SLC16A6: variants seen among roughly 807,000 people sequenced by gnomAD.
The protein encoded by SLC16A6 is monocarboxylate transporter 7.
SLC16A6 carries 15 observed loss-of-function variants against 33.8 expected under a neutral mutation model. That is an observed-to-expected ratio of 0.44 (90% confidence interval 0.30 to 0.68). The LOEUF is 0.68. SLC16A6 is among the 30% of genes least tolerant of loss of function. The pLI is 0.10. For missense variants in SLC16A6, 451 were observed against 661.5 expected (o/e 0.68, Z 3.49); for synonymous variants, 219 against 248.4 (o/e 0.88, Z 1.11).
intron 1 of SLC16A6, among the ~76,000 whole-genome samples, chr17:68,287,454 C>G (rs927839703): frequency 1.3e-5 from 2 of 152,034 alleles, no homozygotes; most frequent in Non-Finnish European, 2.9e-5. Flanking sequence ...GCCACCTCAC[C>G]TAGCCAGATG....
rs952546800 is a variant in SLC16A6, at chr17:68,278,013, C to T, written c.232+76G>A. Reference sequence around the variant, plus strand: ...GGGAATGAAAGCATCACAAACACATCGACTACCATTACCAAGGTAGCCAAA... The same window carrying T: ...GGGAATGAAAGCATCACAAACACATTGACTACCATTACCAAGGTAGCCAAA... On this transcript the variant is annotated intron_variant, in intron 2 of 5. Coordinates refer to ENST00000580666, the MANE Select transcript of SLC16A6 (RefSeq NM_004694.5). 1.8e-5 allele frequency: 17 copies of T among 929,190 alleles called. No individual in the cohort carries two copies. In the East Asian group the frequency reaches 2.0e-4, roughly 11 times the overall value. 57.6% of individuals were successfully genotyped at this position (929,190 alleles called of 1,614,324 possible). A position where few individuals can be genotyped will look rare whatever the true frequency, so the allele number is the denominator to read the frequency against.
At chr17:68,283,481 A>C (rs2075763622) in intron 1 of SLC16A6, among the ~76,000 whole-genome samples, 1 of 147,916 alleles carries the variant, frequency 6.8e-6, no homozygotes. Flanking sequence ...AGATCGCGCC[A>C]CTGCACTCCA....
chr17:68,285,909 G>A (rs2041130), intron 1 of SLC16A6, among the ~76,000 whole-genome samples: 36,607 of 151,836 alleles, frequency 0.24, 4,871 homozygotes, highest in African/African-American at 0.36. Flanking sequence ...ACAGACGCCC[G>A]CCACCATGCC....
intron 1 of SLC16A6, among the ~76,000 whole-genome samples, chr17:68,287,473 T>C (rs1456209112): frequency 6.6e-5 from 10 of 152,172 alleles, no homozygotes; most frequent in African/African-American, 2.2e-4. Flanking sequence ...TGGTGGACTA[T>C]TCATTTCTAT....
At chr17:68,290,183 C>A (rs1227243785) in intron 1 of SLC16A6, among the ~76,000 whole-genome samples, 1 of 152,176 alleles carries the variant, frequency 6.6e-6, no homozygotes, top group African/African-American at 2.4e-5. Context: ...GCAAACAAAA[C>A]CGGCTTCCAG....
intron 1 of SLC16A6, among the ~76,000 whole-genome samples, chr17:68,280,929 A>G (rs1555752511): frequency 6.6e-6 from 1 of 152,156 alleles, no homozygotes; most frequent in African/African-American, 2.4e-5. Context: ...GTTTGAGACC[A>G]GCCTGGGCAA....
At chr17:68,281,422 C>G (rs1008013854) in intron 1 of SLC16A6, among the ~76,000 whole-genome samples, 1 of 151,902 alleles carries the variant, frequency 6.6e-6, no homozygotes, top group East Asian at 1.9e-4. Flanking sequence ...CAAAAATTAG[C>G]TGGGCGTGGT....
In SLC16A6 at chr17:68,268,798, A is replaced by G. The variant is rs1447208410; in HGVS notation, c.*298T>C. Reference sequence around the variant, plus strand: ...TCACTATTTTAATATCGGAATGTGAACCAAAGAGTCTTTCTACATATCTCT... The same window carrying G: ...TCACTATTTTAATATCGGAATGTGAGCCAAAGAGTCTTTCTACATATCTCT... On this transcript the variant is annotated 3_prime_UTR_variant, in exon 6 of 6. Coordinates refer to ENST00000580666, the MANE Select transcript of SLC16A6 (RefSeq NM_004694.5). 2.9e-6 allele frequency: 1 copy of G among 349,718 alleles called. No homozygotes were observed. Among genetic ancestry groups the G allele is most frequent in the Non-Finnish European group, 5.1e-6 (1 of 196,876 alleles). The allele number at this position is 349,718 out of a possible 1,614,324, so 21.7% of individuals were successfully genotyped here.
At chr17:68,279,785 A>G (rs1217682069) in intron 1 of SLC16A6, among the ~76,000 whole-genome samples, 4 of 152,206 alleles carry the variant, frequency 2.6e-5, no homozygotes, top group African/African-American at 9.7e-5. Flanking sequence ...TATACTTTGA[A>G]ACAGTCATGT....
At chr17:68,276,382 T>G (rs1427859283) in intron 2 of SLC16A6, among the ~76,000 whole-genome samples, 1 of 152,206 alleles carries the variant, frequency 6.6e-6, no homozygotes, top group African/African-American at 2.4e-5. Flanking sequence ...ACTTCAGAGA[T>G]AACAGTTCCA....
At chr17:68,282,761 G>C (rs2075732526) in intron 1 of SLC16A6, among the ~76,000 whole-genome samples, 1 of 102,682 alleles carries the variant, frequency 9.7e-6, no homozygotes, top group Non-Finnish European at 1.9e-5. Flanking sequence ...GGCCAACATA[G>C]TGAAACCCCA....
At chr17:68,285,973 C>T (rs1470862562) in intron 1 of SLC16A6, among the ~76,000 whole-genome samples, 1 of 152,104 alleles carries the variant, frequency 6.6e-6, no homozygotes, top group Middle Eastern at 3.2e-3. Flanking sequence ...GTTGGCCAGG[C>T]CGGTCTGGAA....
intron 3 of SLC16A6, 74 bp from the exon 4 acceptor site, chr17:68,272,841 T>C: frequency 6.3e-7 from 1 of 1,576,302 alleles, no homozygotes; most frequent in Admixed American, 1.9e-5. Flanking sequence ...TTAAAAGATC[T>C]GGGATTTTTG....
chr17:68,274,011 C>A lies in SLC16A6; in HGVS notation c.292G>T (p.Gly98Trp), dbSNP rs1201386409. The change falls in exon 3 of 6, where the codon GGG (glycine) becomes TGG (tryptophan). Residue 98 changes from glycine (G) to tryptophan (W), a missense_variant. Gly to Trp is a radical substitution (Grantham distance 184). Coordinates refer to ENST00000580666, the MANE Select transcript of SLC16A6 (RefSeq NM_004694.5). ...ACCATCCCGGTGCTGACAAGTAGCCCCCCCAACATCACTACCAGACGGTGT... is the reference window on the plus strand; with the variant it reads ...ACCATCCCGGTGCTGACAAGTAGCCACCCCAACATCACTACCAGACGGTGT... ...FGHRLVVMLGGLLVSTGMVAA... is the reference protein window; with the variant it reads ...FGHRLVVMLGWLLVSTGMVAA... 6.2e-7 allele frequency: 1 copy of A among 1,614,086 alleles called. No individual in the cohort carries two copies. Among genetic ancestry groups the A allele is most frequent in the Admixed American group, 1.7e-5 (1 of 60,008 alleles).
intron 1 of SLC16A6, among the ~76,000 whole-genome samples, chr17:68,288,962 C>G (rs1356921636): frequency 6.6e-6 from 1 of 152,182 alleles, no homozygotes; most frequent in Non-Finnish European, 1.5e-5. Context: ...TTCCCTTCAC[C>G]CTAGTGTTCT....
rs1555751599 is a variant in SLC16A6, at chr17:68,278,145, G to A, written c.176C>T (p.Ser59Phe). 1.9e-6 allele frequency: 3 copies of A among 1,614,096 alleles called. No homozygotes were observed. The African/African-American group carries it at 4.0e-5, about 22-fold the overall frequency. The change falls in exon 2 of 6, where the codon TCC (serine) becomes TTC (phenylalanine). Residue 59 changes from serine to phenylalanine, a missense_variant. Physicochemically the swap from Ser to Phe is radical, Grantham distance 155. Transcript: ENST00000580666. ...FNDLMDSFNESNSRISWIISI... is the reference protein window; with the variant it reads ...FNDLMDSFNEFNSRISWIISI... The stretch of plus-strand genomic sequence containing the variant: ...GATTATCCATGAGATCCTGCTATTG[G>A]ATTCATTAAAACTGTCCATTAAGTC...
At position 68,284,828 on chromosome 17, in the gene SLC16A6, T is replaced by C. The variant is rs1372379916; in HGVS notation, c.-8+6258A>G. 4.6e-5 allele frequency among the ~76,000 whole-genome samples: 7 copies of C among 152,236 alleles called. No individual in the cohort carries two copies. The East Asian group carries it at 1.3e-3, about 29-fold the overall frequency. ...GGCATAAGATGCTGTAAGATGAGTA[T>C]GCTCTTTGCAGCAAAGGCCTTTGCA... On this transcript the variant is annotated intron_variant, in intron 1 of 5. Coordinates refer to ENST00000580666, the MANE Select transcript of SLC16A6 (RefSeq NM_004694.5).
chr17:68,283,878 CAA>C (rs58291216), intron 1 of SLC16A6, among the ~76,000 whole-genome samples: 5 of 55,426 alleles, frequency 9.0e-5, no homozygotes, highest in African/African-American at 1.4e-4. Flanking sequence ...AACTCCGTCT[CAA>C]AAAAAAAAAA....
At chr17:68,278,013 C>G (rs952546800) in intron 2 of SLC16A6, 76 bp downstream of exon 2, 3 of 929,310 alleles carry the variant, frequency 3.2e-6, no homozygotes, top group African/African-American at 3.3e-5. Flanking sequence ...ACAAACACAT[C>G]GACTACCATT....
Sources: gnomAD v4.1 joint callset for allele counts (sites outside exome capture counted in the v4.1 genomes callset) on GRCh38, gnomAD v4.1.1 for gene constraint, MANE v1.5 for transcripts, NCBI Gene and HGNC (gene_info 2026-07-23, HGNC 2026-07-21) for gene names.